Variants in NRCAM observed in about 807,000 individuals in gnomAD.
NRCAM encodes the protein NgCAM-related cell adhesion molecule.
In NRCAM, 83 loss-of-function variants were observed where a neutral mutation model predicts 156.5. That is an observed-to-expected ratio of 0.53 (90% CI 0.44 to 0.64). The LOEUF (loss-of-function observed/expected upper bound fraction) is 0.64. Ranked by LOEUF, NRCAM falls within the 30% of genes least tolerant of loss-of-function variation. NRCAM has a pLI of 0.00. For synonymous variants in NRCAM, 538 were observed against 563.9 expected (o/e 0.95, Z 0.65); for missense variants, 1,417 against 1,597.3 (o/e 0.89, Z 1.92).
chr7:108,249,122 T>C (rs961873093), intron 3 of NRCAM, among the ~76,000 whole-genome samples: 1 of 152,156 alleles, frequency 6.6e-6, no homozygotes, highest in African/African-American at 2.4e-5. Context: ...GGCTCAGATT[T>C]ACCAAACCCA....
chr7:108,389,370 G>A (rs1156937136), intron 2 of NRCAM, among the ~76,000 whole-genome samples: 2 of 151,954 alleles, frequency 1.3e-5, no homozygotes, highest in African/African-American at 4.8e-5. Flanking sequence ...TGTTATTGGT[G>A]TATAGGAATG....
intron 2 of NRCAM, among the ~76,000 whole-genome samples, chr7:108,321,647 T>C (rs1165655287): frequency 6.6e-6 from 1 of 152,194 alleles, no homozygotes; most frequent in Non-Finnish European, 1.5e-5. Flanking sequence ...AAGTAAGACC[T>C]ACTTGCAAAG....
chr7:108,425,744 C>A (rs964842232), intron 1 of NRCAM, among the ~76,000 whole-genome samples: 2 of 152,140 alleles, frequency 1.3e-5, no homozygotes, highest in Non-Finnish European at 1.5e-5. Flanking sequence ...ATGATATTGG[C>A]AAACTATGTG....
intron 3 of NRCAM, among the ~76,000 whole-genome samples, chr7:108,280,329 T>C (rs750604495): frequency 5.5e-4 from 83 of 152,226 alleles, no homozygotes; most frequent in Non-Finnish European, 3.1e-4. Context: ...AAAGCCTCTC[T>C]TACTCCCTCT....
rs145164838 is a variant in NRCAM, at chr7:108,376,136, AG to A, written c.-174+23299del. On this transcript the variant is annotated intron_variant, in intron 2 of 32. Coordinates refer to ENST00000379028, the MANE Select transcript of NRCAM (RefSeq NM_001037132.4). ...TACTTCAACTTTGGATATAATCTGG[AG>A]AGGCCCTGAATCCAGTTCCCTGACT... Among the ~76,000 whole-genome samples the A allele has an allele frequency of 7.5e-3, 1,144 of 152,282 alleles. 15 individuals are homozygous for A. Among genetic ancestry groups the A allele is most frequent in the African/African-American group, 0.027 (1,104 of 41,546 alleles).
At chr7:108,242,151 T>TGTA (rs2153816280) in intron 3 of NRCAM, among the ~76,000 whole-genome samples, 1 of 150,158 alleles carries the variant, frequency 6.7e-6, no homozygotes, top group East Asian at 2.0e-4. Flanking sequence ...GGTGGGTGCC[T>TGTA]GTAACCCCAG....
At chr7:108,184,369 C>T (rs2065413623) in intron 21 of NRCAM, 48 bp downstream of exon 21, 1 of 1,613,436 alleles carries the variant, frequency 6.2e-7, no homozygotes, top group African/African-American at 1.3e-5. Context: ...GAGTGGAAAA[C>T]TTTTTTATTA....
intron 12 of NRCAM, 25 bp from the exon 13 acceptor site, chr7:108,207,684 C>A: frequency 6.4e-7 from 1 of 1,574,772 alleles, no homozygotes; most frequent in South Asian, 1.2e-5. Context: ...GAAAAAAGAC[C>A]AAAAATCTGA....
intron 2 of NRCAM, among the ~76,000 whole-genome samples, chr7:108,334,243 A>C (rs2099156246): frequency 6.6e-6 from 1 of 152,190 alleles, no homozygotes; most frequent in Non-Finnish European, 1.5e-5. Flanking sequence ...GTATGTGATC[A>C]CCTTTACATG....
chr7:108,251,076 T>C (rs2096315771), intron 3 of NRCAM, among the ~76,000 whole-genome samples: 1 of 152,200 alleles, frequency 6.6e-6, no homozygotes, highest in African/African-American at 2.4e-5. Context: ...ATGTTAAACC[T>C]AGAATGACTG....
chr7:108,185,292 A>G (rs1029486773), intron 20 of NRCAM, among the ~76,000 whole-genome samples: 3 of 152,232 alleles, frequency 2.0e-5, no homozygotes, highest in Admixed American at 6.5e-5. Context: ...GCTCACACAA[A>G]TGGCTCAAAC....
chr7:108,278,179 A>T (rs1171002397), intron 3 of NRCAM, among the ~76,000 whole-genome samples: 2 of 152,228 alleles, frequency 1.3e-5, no homozygotes, highest in Non-Finnish European at 2.9e-5. Context: ...TCTCCCAGAC[A>T]GGCTACACAG....
intron 17 of NRCAM, among the ~76,000 whole-genome samples, chr7:108,192,387 AATAT>A (rs888353551): frequency 2.6e-5 from 4 of 152,066 alleles, no homozygotes; most frequent in African/African-American, 4.8e-5. Context: ...TACATGTAAT[AATAT>A]ATATATGTAT....
At chr7:108,319,475 C>T (rs1185562564) in intron 2 of NRCAM, among the ~76,000 whole-genome samples, 1 of 152,158 alleles carries the variant, frequency 6.6e-6, no homozygotes, top group South Asian at 2.1e-4. Context: ...AAGTTCTATG[C>T]TGAGCATCAG....
chr7:108,314,806 A>G (rs1317749966), intron 2 of NRCAM, among the ~76,000 whole-genome samples: 2 of 152,222 alleles, frequency 1.3e-5, no homozygotes, highest in African/African-American at 4.8e-5. Flanking sequence ...AAAATCTGCT[A>G]TTACAAGCAG....
chr7:108,399,999 T>C (rs1250385244), intron 1 of NRCAM, among the ~76,000 whole-genome samples: 3 of 152,168 alleles, frequency 2.0e-5, no homozygotes, highest in Non-Finnish European at 2.9e-5. Context: ...AAGAATCTAA[T>C]ACAGACTGAA....
chr7:108,214,097 G>C (rs1588534047), intron 11 of NRCAM, among the ~76,000 whole-genome samples: 1 of 152,168 alleles, frequency 6.6e-6, no homozygotes, highest in Admixed American at 6.5e-5. Context: ...GTATCAGGAT[G>C]ATGCTGGCCT....
intron 4 of NRCAM, among the ~76,000 whole-genome samples, chr7:108,238,442 T>A (rs1395001562): frequency 6.6e-6 from 1 of 152,156 alleles, no homozygotes; most frequent in Non-Finnish European, 1.5e-5. Context: ...TACATTAGCA[T>A]GCAATTCAAA....
chr7:108,245,033 C>T (rs113619727), intron 3 of NRCAM, among the ~76,000 whole-genome samples: 110 of 152,318 alleles, frequency 7.2e-4, no homozygotes, highest in African/African-American at 2.3e-3. Flanking sequence ...CCAGGCACAG[C>T]GATGAGTCTC....
Sources: gnomAD v4.1 joint callset for allele counts (sites outside exome capture counted in the v4.1 genomes callset) on GRCh38, gnomAD v4.1.1 for gene constraint, MANE v1.5 for transcripts, NCBI Gene and HGNC (gene_info 2026-07-23, HGNC 2026-07-21) for gene names.